Variants in CSMD2 observed in about 807,000 individuals in gnomAD.
CSMD2 encodes CUB and sushi domain-containing protein 2.
CSMD2 carries 130 observed loss-of-function variants against 398.5 expected under a neutral mutation model. The ratio of observed to expected loss-of-function variants is 0.33; its 90% CI spans 0.28 to 0.38. CSMD2 has a LOEUF of 0.38. Ranked by LOEUF, CSMD2 falls within the 10% of genes least tolerant of loss-of-function variation. The pLI is 1.00. For synonymous variants in CSMD2, 1,828 were observed against 1,908.5 expected (o/e 0.96, Z 1.10); for missense variants, 3,829 against 4,764.9 (o/e 0.80, Z 5.78).
At chr1:34,120,448 T>C (rs1211107957) in intron 1 of CSMD2, among the ~76,000 whole-genome samples, 1 of 152,220 alleles carries the variant, frequency 6.6e-6, no homozygotes, top group Non-Finnish European at 1.5e-5. Context: ...ATATTATGTG[T>C]TCCTTACTAC....
intron 29 of CSMD2, among the ~76,000 whole-genome samples, chr1:33,645,683 G>T (rs1450101466): frequency 6.6e-6 from 1 of 152,180 alleles, no homozygotes; most frequent in Admixed American, 6.5e-5. Flanking sequence ...TATGTGCCAG[G>T]CACTGTACCA....
At chr1:33,949,509 C>T (rs185912065) in intron 3 of CSMD2, among the ~76,000 whole-genome samples, 13 of 152,310 alleles carry the variant, frequency 8.5e-5, no homozygotes, top group Non-Finnish European at 1.9e-4. Flanking sequence ...CGTGAATAGT[C>T]CTACCCAGCT....
In CSMD2 at chr1:33,772,333, G is replaced by T. The variant is rs1385710862; in HGVS notation, c.1846+236C>A. On this transcript the variant is annotated intron_variant, in intron 13 of 70. Coordinates refer to ENST00000373381, the MANE Select transcript of CSMD2 (RefSeq NM_001281956.2). Reference sequence around the variant, plus strand: ...TAAGGATCACCAAGAAGGGTAAGACGGTGTTGAAGAGCATCCCCAAATGTC... The same window carrying T: ...TAAGGATCACCAAGAAGGGTAAGACTGTGTTGAAGAGCATCCCCAAATGTC... 4.2e-5 allele frequency: 19 copies of T among 448,360 alleles called. No homozygotes were observed. The East Asian group carries it at 6.8e-4, about 16-fold the overall frequency. 27.8% of individuals were successfully genotyped at this position (448,360 alleles called of 1,614,324 possible).
intron 1 of CSMD2, among the ~76,000 whole-genome samples, chr1:34,146,874 T>C (rs1264520954): frequency 6.6e-6 from 1 of 152,158 alleles, no homozygotes; most frequent in African/African-American, 2.4e-5. Flanking sequence ...TATGCGGTTC[T>C]GGAGTTCAGG....
chr1:33,557,606 A>T (rs1388862152), intron 55 of CSMD2, 128 bp downstream of exon 55: 3 of 862,138 alleles, frequency 3.5e-6, no homozygotes, highest in African/African-American at 3.5e-5. Context: ...AAGGCAACTC[A>T]TACATGTGCA....
chr1:33,750,352 T>G (rs1340841010), intron 13 of CSMD2, among the ~76,000 whole-genome samples: 1 of 152,188 alleles, frequency 6.6e-6, no homozygotes, highest in South Asian at 2.1e-4. Flanking sequence ...TTCCTGTATC[T>G]CAACTCATTA....
chr1:33,673,427 A>C lies in CSMD2; in HGVS notation c.4053-10335T>G, dbSNP rs192707992. Among the ~76,000 whole-genome samples the C allele has an allele frequency of 9.4e-4, 143 of 152,348 alleles. 2 individuals carry two copies. Among genetic ancestry groups the C allele is most frequent in the Non-Finnish European group, 7.3e-5 (5 of 68,032 alleles). ...GTTTAGAGAAAAAAGAATAAAAAGA[A>C]ATGAACAAAGCTTCCAAGAAATATG... On this transcript the variant is annotated intron_variant, in intron 25 of 70. Coordinates refer to ENST00000373381, the MANE Select transcript of CSMD2 (RefSeq NM_001281956.2).
intron 12 of CSMD2, among the ~76,000 whole-genome samples, chr1:33,774,180 C>T (rs941472417): frequency 6.0e-5 from 9 of 150,928 alleles, no homozygotes; most frequent in African/African-American, 2.0e-4. Context: ...AGGGTCCTCC[C>T]CTTTGTGCAG....
intron 1 of CSMD2, among the ~76,000 whole-genome samples, chr1:34,119,778 G>A (rs567818279): frequency 5.6e-4 from 85 of 152,330 alleles, no homozygotes; most frequent in African/African-American, 2.0e-3. Context: ...GCAAGTGTTG[G>A]TGAGGATGTG....
intron 2 of CSMD2, among the ~76,000 whole-genome samples, chr1:34,073,697 T>C (rs192247747): frequency 9.5e-4 from 144 of 152,340 alleles, no homozygotes; most frequent in African/African-American, 3.4e-3. Context: ...TCCAAAGCAA[T>C]GAAAAGGCAT....
intron 56 of CSMD2, among the ~76,000 whole-genome samples, chr1:33,547,996 TAGTG>T (rs1352885496): frequency 6.6e-6 from 1 of 152,240 alleles, no homozygotes; most frequent in Non-Finnish European, 1.5e-5. Context: ...GTTCTCGTGA[TAGTG>T]AGTGAGTTCT....
intron 56 of CSMD2, among the ~76,000 whole-genome samples, chr1:33,549,781 A>T (rs1451505821): frequency 2.0e-5 from 3 of 152,110 alleles, no homozygotes; most frequent in Non-Finnish European, 4.4e-5. Flanking sequence ...GGACCTGAGC[A>T]CGAGTCTGAA....
intron 22 of CSMD2, among the ~76,000 whole-genome samples, chr1:33,704,148 G>T (rs1645698694): frequency 6.6e-6 from 1 of 152,100 alleles, no homozygotes; most frequent in African/African-American, 2.4e-5. Context: ...TTATAAATGA[G>T]ACTTTCCCTC....
intron 5 of CSMD2, among the ~76,000 whole-genome samples, chr1:33,886,463 C>T (rs1029437687): frequency 1.3e-5 from 2 of 152,174 alleles, no homozygotes; most frequent in African/African-American, 4.8e-5. Context: ...TGACAACCAC[C>T]CTGCTCTGTG....
chr1:34,079,937 C>T (rs1656865597), intron 2 of CSMD2, among the ~76,000 whole-genome samples: 1 of 152,140 alleles, frequency 6.6e-6, no homozygotes, highest in Admixed American at 6.5e-5. Flanking sequence ...CTAAATTTTC[C>T]TGTTAAAGGA....
Position 34,012,268 on chromosome 1 carries a change from T to G in CSMD2, c.517+20326A>C, listed in dbSNP as rs925813775. ...CTGCCGGGACACTCTTCTCCCAGGC[T>G]TCAGTCCTTCACCTCTTTCACCTCT... On this transcript the variant is annotated intron_variant, in intron 3 of 70. Coordinates refer to ENST00000373381, the MANE Select transcript of CSMD2 (RefSeq NM_001281956.2). Among the ~76,000 whole-genome samples the G allele has an allele frequency of 2.6e-5, 4 of 152,182 alleles. 1 individual carries two copies. Among genetic ancestry groups the G allele is most frequent in the African/African-American group, 9.6e-5 (4 of 41,518 alleles).
chr1:33,781,618 G>A (rs1279764968), intron 12 of CSMD2, among the ~76,000 whole-genome samples: 2 of 152,132 alleles, frequency 1.3e-5, no homozygotes, highest in Admixed American at 6.5e-5. Context: ...TTCCTCCCCT[G>A]GGCCAGCCTC....
intron 4 of CSMD2, among the ~76,000 whole-genome samples, chr1:33,929,593 A>G (rs747339784): frequency 1.1e-4 from 16 of 152,000 alleles, no homozygotes; most frequent in South Asian, 6.3e-4. Context: ...ATGTGACACC[A>G]CGTCCAGCTA....
intron 1 of CSMD2, among the ~76,000 whole-genome samples, chr1:34,123,524 G>GAC (rs60477025): frequency 2.6e-4 from 17 of 65,026 alleles, no homozygotes; most frequent in East Asian, 3.7e-3. Flanking sequence ...AAACTTAAAG[G>GAC]GGGGGGGTTG....
Sources: gnomAD v4.1 joint callset for allele counts (sites outside exome capture counted in the v4.1 genomes callset) on GRCh38, gnomAD v4.1.1 for gene constraint, MANE v1.5 for transcripts, NCBI Gene and HGNC (gene_info 2026-07-23, HGNC 2026-07-21) for gene names.